SPTLC2: variants seen among roughly 807,000 people sequenced by gnomAD.
SPTLC2 encodes the protein serine palmitoyltransferase long chain base subunit 2, also known as serine palmitoyltransferase 2.
A neutral mutation model predicts 62.0 loss-of-function variants in SPTLC2; 21 were observed. The ratio of observed to expected loss-of-function variants is 0.34; its 90% CI spans 0.24 to 0.49. The LOEUF is 0.49. Ranked by LOEUF, SPTLC2 falls within the 20% of genes least tolerant of loss-of-function variation. The pLI is 0.99. For synonymous variants in SPTLC2, 261 were observed against 261.8 expected, an observed-to-expected ratio of 1.00 and a Z score of 0.03; for missense variants, 511 against 713.0, an observed-to-expected ratio of 0.72 and a Z score of 3.23.
intron 2 of SPTLC2, among the ~76,000 whole-genome samples, chr14:77,583,199 CAATA>C (rs58888587): frequency 0.24 from 31,514 of 132,252 alleles, 3,748 homozygotes; most frequent in Middle Eastern, 0.32. Context: ...AAAGCTGTCT[CAATA>C]AATAAATAAA....
chr14:77,514,201 A>C (rs1566765750), intron 11 of SPTLC2, among the ~76,000 whole-genome samples: 1 of 152,172 alleles, frequency 6.6e-6, no homozygotes, highest in Non-Finnish European at 1.5e-5. Context: ...ATAAGACAAA[A>C]GTGCACATGA....
At chr14:77,552,243 G>C (rs1379260675) in intron 8 of SPTLC2, 21 bp from the exon 9 acceptor site, 1 of 1,613,678 alleles carries the variant, frequency 6.2e-7, no homozygotes, top group South Asian at 1.1e-5. Flanking sequence ...CACAGAGGCA[G>C]ATAAGTAGAG....
chr14:77,565,600 G>C (rs2079640715), intron 5 of SPTLC2, among the ~76,000 whole-genome samples: 1 of 152,178 alleles, frequency 6.6e-6, no homozygotes, highest in Non-Finnish European at 1.5e-5. Context: ...CCAAATTGGA[G>C]ACATTCTACA....
At chr14:77,579,564 C>G (rs1017811157) in intron 2 of SPTLC2, among the ~76,000 whole-genome samples, 1 of 152,108 alleles carries the variant, frequency 6.6e-6, no homozygotes, top group African/African-American at 2.4e-5. Flanking sequence ...GCCTGGGCAA[C>G]ATAGCGAGAC....
intron 5 of SPTLC2, among the ~76,000 whole-genome samples, chr14:77,568,238 T>C (rs2079657312): frequency 6.6e-6 from 1 of 152,250 alleles, no homozygotes; most frequent in Non-Finnish European, 1.5e-5. Flanking sequence ...ATATATTGTT[T>C]AATTTTCAAA....
At chr14:77,538,052 C>T (rs902227565) in intron 9 of SPTLC2, among the ~76,000 whole-genome samples, 2 of 152,200 alleles carry the variant, frequency 1.3e-5, no homozygotes, top group Admixed American at 1.3e-4. Context: ...AATTTTAACA[C>T]ATAACACAAG....
chr14:77,530,310 CTT>C (rs200797063), intron 9 of SPTLC2, among the ~76,000 whole-genome samples: 13 of 84,300 alleles, frequency 1.5e-4, no homozygotes, highest in Non-Finnish European at 3.5e-4. Context: ...ACCACAGGAT[CTT>C]TTTTAAAAAA....
At chr14:77,556,938 C>T (rs775683560) in intron 7 of SPTLC2, 103 bp downstream of exon 7, 4 of 890,698 alleles carry the variant, frequency 4.5e-6, no homozygotes, top group Non-Finnish European at 7.4e-6. Context: ...AACACTGTCT[C>T]CTTAGTTTCC....
At chr14:77,527,677 C>T (rs912495306) in intron 9 of SPTLC2, among the ~76,000 whole-genome samples, 19 of 151,952 alleles carry the variant, frequency 1.3e-4, no homozygotes, top group African/African-American at 4.6e-4. Flanking sequence ...ATAAGCCCTC[C>T]TAGATAGGTG....
intron 4 of SPTLC2, among the ~76,000 whole-genome samples, chr14:77,575,093 G>A (rs1234249727): frequency 6.6e-6 from 1 of 152,046 alleles, no homozygotes; most frequent in African/African-American, 2.4e-5. Flanking sequence ...ATGGTGGCGT[G>A]CACCTATAGT....
At chr14:77,610,724 G>C (rs923750185) in intron 1 of SPTLC2, among the ~76,000 whole-genome samples, 1 of 152,024 alleles carries the variant, frequency 6.6e-6, no homozygotes, top group African/African-American at 2.4e-5. Flanking sequence ...GGCTGAAGCA[G>C]GAGGATGCTT....
chr14:77,533,179 A>C (rs956644850), intron 9 of SPTLC2, among the ~76,000 whole-genome samples: 3 of 151,924 alleles, frequency 2.0e-5, no homozygotes, highest in Admixed American at 6.6e-5. Context: ...GCACGCCTGG[A>C]GTTCCAGCTA....
At position 77,616,513 on chromosome 14, in the gene SPTLC2, C is replaced by T; in HGVS notation, c.67G>A (p.Gly23Arg). The T allele has an allele frequency of 3.3e-6, 5 of 1,534,596 alleles. No individual in the cohort carries two copies. The highest frequency in any genetic ancestry group is 3.5e-6 in the Non-Finnish European group (4 of 1,145,932). Residue 23 changes from glycine to arginine, a missense_variant, in exon 1 of 12, where the codon GGG becomes AGG. Physicochemically the swap from Gly to Arg is moderately radical, Grantham distance 125 (BLOSUM62 -2). Coordinates refer to ENST00000216484, the MANE Select transcript of SPTLC2 (RefSeq NM_004863.4). Reference sequence around the variant, plus strand: ...CTCACGTACCCGTTCCGTACTTCCCCGTTCGCCACGCAGCCATTCGCCCGC... The same window carrying T: ...CTCACGTACCCGTTCCGTACTTCCCTGTTCGCCACGCAGCCATTCGCCCGC... ...TVRANGCVAN[G>R]EVRNGYVRSS...
intron 9 of SPTLC2, among the ~76,000 whole-genome samples, chr14:77,534,588 T>TACACACACATACACACACACAC (rs1555373990): frequency 7.1e-6 from 1 of 141,128 alleles, no homozygotes; most frequent in African/African-American, 2.7e-5. Flanking sequence ...CATATTTCAG[T>TACACACACATACACACACACAC]ACACACACAC....
chr14:77,608,142 G>A (rs1160130214), intron 1 of SPTLC2, among the ~76,000 whole-genome samples: 1 of 152,186 alleles, frequency 6.6e-6, no homozygotes, highest in African/African-American at 2.4e-5. Context: ...ATATCAGAGT[G>A]TGCCAGACCC....
At chr14:77,563,454 G>T (rs1458091249) in intron 5 of SPTLC2, among the ~76,000 whole-genome samples, 2 of 152,140 alleles carry the variant, frequency 1.3e-5, no homozygotes, top group African/African-American at 4.8e-5. Context: ...GTGTGAGATG[G>T]AGTCTTGCTC....
At chr14:77,552,281 A>G (rs2079559766) in intron 8 of SPTLC2, 59 bp from the exon 9 acceptor site, 1 of 1,600,338 alleles carries the variant, frequency 6.2e-7, no homozygotes. Context: ...CGGCAATGTC[A>G]GTCCTTTCCT....
At chr14:77,544,152 G>A (rs146295737) in intron 9 of SPTLC2, among the ~76,000 whole-genome samples, 28 of 152,022 alleles carry the variant, frequency 1.8e-4, no homozygotes, top group Admixed American at 7.9e-4. Flanking sequence ...GATTACAGAC[G>A]TGTACCACCA....
intron 9 of SPTLC2, among the ~76,000 whole-genome samples, chr14:77,524,753 C>T (rs548278143): frequency 1.4e-3 from 214 of 152,120 alleles, no homozygotes; most frequent in African/African-American, 5.0e-3. Context: ...GAGCCAGGCA[C>T]GGAAAGACAC....
Sources: allele counts gnomAD v4.1 joint callset (sites outside exome capture counted in the v4.1 genomes callset), GRCh38; gene constraint gnomAD v4.1.1; transcripts MANE v1.5; gene names NCBI Gene and HGNC (gene_info 2026-07-23, HGNC 2026-07-21).